Variants in GRM6 observed in about 807,000 individuals in gnomAD.
The protein encoded by GRM6 is metabotropic glutamate receptor 6.
Under a neutral mutation model 78.4 loss-of-function variants are expected in GRM6, and 73 were observed. That is an observed-to-expected ratio of 0.93 (90% CI 0.77 to 1.13). The LOEUF (loss-of-function observed/expected upper bound fraction) is 1.13, where lower values mean the gene tolerates loss of function less well. Ranked by LOEUF, GRM6 falls within the 50% of genes most tolerant of loss-of-function variation. The pLI is 0.00. For missense variants in GRM6, 1,251 were observed against 1,256.4 expected, an observed-to-expected ratio of 1.00 and a Z score of 0.07; for synonymous variants, 580 against 555.0, an observed-to-expected ratio of 1.05 and a Z score of -0.63.
intron 9 of GRM6, chr5:178,985,551 A>C (rs1760505547): frequency 5.9e-6 from 2 of 337,206 alleles, no homozygotes; most frequent in South Asian, 2.3e-5. Flanking sequence ...AAAATACAAA[A>C]AATTAGCCGG....
rs138887489 is a variant in GRM6, at chr5:178,986,710, G to T, written c.1544C>A (p.Ser515Ter). 2 of 1,604,816 alleles carry T rather than the reference G, an allele frequency of 1.2e-6. No homozygotes were observed. Among genetic ancestry groups the T allele is most frequent in the East Asian group, 2.2e-5 (1 of 44,838 alleles). Residue 515 changes from serine (S) to a stop codon, truncating the protein, a stop_gained, in exon 9 of 11, where the codon TCG becomes TAG. Coordinates refer to ENST00000517717, the MANE Select transcript of GRM6 (RefSeq NM_000843.4). LOFTEE classifies it high-confidence loss of function. Reference protein sequence around the residue: ...QWSGDPHEVPSSLCSLPCGPG... With the variant: ...QWSGDPHEVP ...CCCGCAGGGCAGGCTGCACAGAGACGAGGGCACCTCGTGGGGGTCGCCAGA... is the reference window on the plus strand; with the variant it reads ...CCCGCAGGGCAGGCTGCACAGAGACTAGGGCACCTCGTGGGGGTCGCCAGA...
At chr5:178,987,108 G>A in intron 7 of GRM6, 125 bp from the exon 8 acceptor site, 1 of 959,402 alleles carries the variant, frequency 1.0e-6, no homozygotes, top group Non-Finnish European at 1.6e-6. Context: ...TAAGGGACGT[G>A]CAAATCCAAG....
rs146746317 is a variant in GRM6, at chr5:178,989,104, G to T, written c.1185C>A (p.Tyr395Ter). ...GEERIGRDST[Y>*]EQEGKVQFVI... ...CAAACTGCACCTTGCCCTCCTGCTC[G>T]TAGGTGGAGTCCCGGCCGATGCGTT... Residue 395 changes from tyrosine (Y) to a stop codon, truncating the protein, a stop_gained, in exon 7 of 11, where the codon TAC becomes TAA. Coordinates refer to ENST00000517717, the MANE Select transcript of GRM6 (RefSeq NM_000843.4). LOFTEE classifies it high-confidence loss of function. 8.7e-6 allele frequency: 14 copies of T among 1,613,984 alleles called. No homozygotes were observed. The highest frequency in any genetic ancestry group is 8.5e-6 in the Non-Finnish European group (10 of 1,180,000).
rs751420389 is a variant in GRM6, at chr5:178,986,236, T to C, written c.2018A>G (p.Asn673Ser). The C allele has an allele frequency of 1.2e-5, 19 of 1,613,900 alleles. No individual in the cohort carries two copies. Among genetic ancestry groups the C allele is most frequent in the Non-Finnish European group, 1.2e-5 (14 of 1,179,988 alleles). ...CTGCTCAAAGATGCGGTAGATACGG[T>C]TGGTCTTGGTGAGCAGGGCAGAGTA... is the stretch of plus-strand genomic sequence containing the variant. ...LSYSALLTKT[N>S]RIYRIFEQGK... Residue 673 changes from asparagine (N) to serine (S), a missense_variant, in exon 9 of 11, where the codon AAC becomes AGC. Coordinates refer to ENST00000517717, the MANE Select transcript of GRM6 (RefSeq NM_000843.4).
In GRM6 at chr5:178,986,473, A is replaced by G. The variant is rs1417645984; in HGVS notation, c.1781T>C (p.Val594Ala). 6.2e-7 allele frequency: 1 copy of G among 1,612,334 alleles called. No individual in the cohort carries two copies. The highest frequency in any genetic ancestry group is 1.1e-5 in the South Asian group (1 of 91,052). ...PWAAPPLLLA[V>A]LGIVATTTVV... is the part of the protein sequence containing the mutation. ...CGTGGTAGTGGCCACGATGCCCAGC[A>G]CGGCCAGGAGGAGCGGCGGGGCTGC... Residue 594 changes from valine (V) to alanine (A), a missense_variant, in exon 9 of 11, where the codon GTG becomes GCG. Coordinates refer to ENST00000517717, the MANE Select transcript of GRM6 (RefSeq NM_000843.4).
intron 6 of GRM6, 50 bp downstream of exon 6, chr5:178,989,215 T>TG: frequency 6.8e-6 from 6 of 886,676 alleles, no homozygotes; most frequent in Non-Finnish European, 9.5e-6. Context: ...CTCCCCACCC[T>TG]CACCACCCTC....
intron 9 of GRM6, among the ~76,000 whole-genome samples, chr5:178,985,469 C>T (rs112096413): frequency 0.026 from 3,967 of 151,370 alleles, 171 homozygotes; most frequent in African/African-American, 0.086. Context: ...TTTGGGAGGC[C>T]GAGGTGGGCG....
At position 178,994,786 on chromosome 5, in the gene GRM6, C is replaced by T. The variant is rs1451403635; in HGVS notation, c.159G>A (p.Ala53=). The change falls in exon 2 of 11, where the codon GCG becomes GCA. Residue 53 remains alanine, a synonymous_variant. Coordinates refer to ENST00000517717, the MANE Select transcript of GRM6 (RefSeq NM_000843.4). ...TCTTCAGCTGCCCGCACGCCCGGCC[C>T]GCCGCGCCCCGCGCGTGCACCGGGA... is the stretch of plus-strand genomic sequence containing the variant. ...GLFPVHARGA[A]GRACGQLKKE... is the part of the protein sequence containing the mutation. 5.3e-6 allele frequency: 7 copies of T among 1,326,274 alleles called. No homozygotes were observed. The highest frequency in any genetic ancestry group is 6.8e-6 in the Non-Finnish European group (7 of 1,032,516). The allele number at this position is 1,326,274 out of a possible 1,614,324, so 82.2% of individuals were successfully genotyped here.
chr5:178,994,529 G>C lies in GRM6; in HGVS notation c.416C>G (p.Pro139Arg). The change falls in exon 2 of 11, where the codon CCC (proline) becomes CGC (arginine). Residue 139 changes from proline to arginine, a missense_variant. Pro to Arg is a moderately radical substitution (Grantham distance 103). Coordinates refer to ENST00000517717, the MANE Select transcript of GRM6 (RefSeq NM_000843.4). ...GGCCACGACGCGCTCGGGGGGCGCG[G>C]GGCGCAGCGGAGGGACGCCTCCCGG... ...RCPGGVPPLR[P>R]APPERVVAVV... The C allele has an allele frequency of 7.2e-7, 1 of 1,384,518 alleles. No homozygotes were observed. The highest frequency in any genetic ancestry group is 9.3e-7 in the Non-Finnish European group (1 of 1,076,082). The allele number at this position is 1,384,518 out of a possible 1,614,324, so 85.8% of individuals were successfully genotyped here.
intron 7 of GRM6, among the ~76,000 whole-genome samples, chr5:178,987,899 ATAGG>A: frequency 7.2e-6 from 1 of 139,258 alleles, no homozygotes; most frequent in South Asian, 2.7e-4. Context: ...AGCTGGGATT[ATAGG>A]CACCCGTCGC....
chr5:178,988,084 T>C lies in GRM6; in HGVS notation c.1354+851A>G, dbSNP rs1760602728. Reference sequence around the variant, plus strand: ...CTGAATGTATTTAATATCACTGAACTCTACACTTAAAAAATGGTTAAGGTG... The same window carrying C: ...CTGAATGTATTTAATATCACTGAACCCTACACTTAAAAAATGGTTAAGGTG... On this transcript the variant is annotated intron_variant, in intron 7 of 10. Coordinates refer to ENST00000517717, the MANE Select transcript of GRM6 (RefSeq NM_000843.4). This position sits in a 1 kb window ranked among gnomAD's most constrained non-coding sequence, Gnocchi z 6.0. Among the ~76,000 whole-genome samples the C allele has an allele frequency of 6.6e-6, 1 of 152,154 alleles. No homozygotes were observed. The highest frequency in any genetic ancestry group is 2.4e-5 in the African/African-American group (1 of 41,440).
At position 178,986,955 on chromosome 5, in the gene GRM6, G is replaced by T; in HGVS notation, c.1383C>A (p.Asn461Lys). The change falls in exon 8 of 11, where the codon AAC becomes AAA. Residue 461 changes from asparagine (N) to lysine (K), a missense_variant. Asn to Lys is a moderately conservative substitution (Grantham distance 94). Coordinates refer to ENST00000517717, the MANE Select transcript of GRM6 (RefSeq NM_000843.4). ...NGSAGTPVMFNENGDAPGRYD... is the reference protein window; with the variant it reads ...NGSAGTPVMFKENGDAPGRYD... ...ACCGCCCGGGCGCATCTCCGTTCTCGTTGAACATCACAGGGGTTCCTGCGC... is the reference window on the plus strand; with the variant it reads ...ACCGCCCGGGCGCATCTCCGTTCTCTTTGAACATCACAGGGGTTCCTGCGC... 6.2e-7 allele frequency: 1 copy of T among 1,613,980 alleles called. No individual in the cohort carries two copies. The highest frequency in any genetic ancestry group is 1.3e-5 in the African/African-American group (1 of 75,058).
intron 9 of GRM6, among the ~76,000 whole-genome samples, chr5:178,984,495 G>A (rs1349577114): frequency 1.3e-5 from 2 of 152,216 alleles, no homozygotes; most frequent in Non-Finnish European, 2.9e-5. Context: ...AGGCTTGTGT[G>A]TTTTTAAAGA....
chr5:178,994,785 C>A lies in GRM6; in HGVS notation c.160G>T (p.Gly54Cys), dbSNP rs746160552. Residue 54 changes from glycine to cysteine, a missense_variant, in exon 2 of 11, where the codon GGC becomes TGC. Transcript: ENST00000517717. Reference sequence around the variant, plus strand: ...TTCTTCAGCTGCCCGCACGCCCGGCCCGCCGCGCCCCGCGCGTGCACCGGG... The same window carrying A: ...TTCTTCAGCTGCCCGCACGCCCGGCACGCCGCGCCCCGCGCGTGCACCGGG... ...LFPVHARGAA[G>C]RACGQLKKEQ... 2 of 1,326,440 alleles carry A rather than the reference C, an allele frequency of 1.5e-6. No homozygotes were observed. The highest frequency in any genetic ancestry group is 1.9e-6 in the Non-Finnish European group (2 of 1,032,682). The allele number at this position is 1,326,440 out of a possible 1,614,324, so 82.2% of individuals were successfully genotyped here.
chr5:178,994,723 G>A lies in GRM6; in HGVS notation c.222C>T (p.Tyr74=), dbSNP rs778393434. ...GGTCGGCGTTGACGCGGTCCAGCGC[G>A]TACAGCATGGCCTCCAGCCGGTGCA... ...QGVHRLEAML[Y]ALDRVNADPE... The change falls in exon 2 of 11, where the codon TAC becomes TAT. Residue 74 remains tyrosine (Y), a synonymous_variant. Coordinates refer to ENST00000517717, the MANE Select transcript of GRM6 (RefSeq NM_000843.4). The A allele has an allele frequency of 3.4e-5, 50 of 1,465,216 alleles. 1 individual carries two copies. Among genetic ancestry groups the A allele is most frequent in the Middle Eastern group, 4.6e-4 (2 of 4,308 alleles). 90.8% of individuals were successfully genotyped at this position (1,465,216 alleles called of 1,614,324 possible).
rs1222403878 is a variant in GRM6, at chr5:178,985,568, T to C, written c.2124+562A>G. On this transcript the variant is annotated intron_variant, in intron 9 of 10. Coordinates refer to ENST00000517717, the MANE Select transcript of GRM6 (RefSeq NM_000843.4). ...AATACAAAAAATTAGCCGGGCGTGG[T>C]GGCGGGCGCCTGTAGTCCCAGCTAC... The C allele has an allele frequency of 1.5e-5, 5 of 338,920 alleles. 1 individual carries two copies. The highest frequency in any genetic ancestry group is 1.0e-3 in the Middle Eastern group (1 of 960). 21.0% of individuals were successfully genotyped at this position (338,920 alleles called of 1,614,324 possible).
chr5:178,993,488 G>A (rs1174268825), intron 2 of GRM6, among the ~76,000 whole-genome samples: 1 of 152,174 alleles, frequency 6.6e-6, no homozygotes, highest in Non-Finnish European at 1.5e-5. Context: ...GTGCGCAGAC[G>A]ATAGGGAGCG....
intron 9 of GRM6, chr5:178,985,660 G>T (rs577733121): frequency 7.7e-6 from 3 of 388,666 alleles, no homozygotes; most frequent in South Asian, 1.9e-5. Context: ...CTGAGATAGT[G>T]CCACTGCACT....
At chr5:178,993,464 A>G (rs1053730231) in intron 2 of GRM6, among the ~76,000 whole-genome samples, 9 of 152,162 alleles carry the variant, frequency 5.9e-5, no homozygotes, top group African/African-American at 2.2e-4. Context: ...GGAAACAGGG[A>G]TGGGGGCTTT....
Sources: allele counts gnomAD v4.1 joint callset (sites outside exome capture counted in the v4.1 genomes callset), GRCh38; gene constraint gnomAD v4.1.1; non-coding constraint Gnocchi (gnomAD v3.1); transcripts MANE v1.5; gene names NCBI Gene and HGNC (gene_info 2026-07-23, HGNC 2026-07-21).